The following PPP6C variants were observed in gnomAD, a reference collection of about 807,000 sequenced individuals.
PPP6C encodes the protein serine/threonine-protein phosphatase 6 catalytic subunit.
In PPP6C, 11 loss-of-function variants were observed where a neutral mutation model predicts 39.8. The ratio of observed to expected loss-of-function variants is 0.28; its 90% CI spans 0.17 to 0.46. The LOEUF is 0.46. Among genes scored for constraint, PPP6C ranks in the 20% least tolerant of loss-of-function variants. The pLI, the probability that PPP6C is intolerant of heterozygous loss-of-function variation, is 1.00. For missense variants in PPP6C, 211 were observed against 373.9 expected (o/e 0.56, Z 3.59); for synonymous variants, 129 against 130.3 (o/e 0.99, Z 0.07).
intron 4 of PPP6C, among the ~76,000 whole-genome samples, chr9:125,156,464 G>A (rs1259127811): frequency 6.6e-6 from 1 of 152,056 alleles, no homozygotes; most frequent in Non-Finnish European, 1.5e-5. Flanking sequence ...AGTAGAGACG[G>A]GGTTTCACCA....
At chr9:125,173,179 G>C (rs1190410847) in intron 1 of PPP6C, among the ~76,000 whole-genome samples, 1 of 151,988 alleles carries the variant, frequency 6.6e-6, no homozygotes, top group Admixed American at 6.6e-5. Flanking sequence ...TTGGGAGGCT[G>C]AGGTGGGTGG....
chr9:125,172,486 C>T (rs896101285), intron 1 of PPP6C, among the ~76,000 whole-genome samples: 2 of 152,124 alleles, frequency 1.3e-5, no homozygotes, highest in African/African-American at 4.8e-5. Flanking sequence ...GGATTACAGG[C>T]ATTGAGCCAC....
intron 6 of PPP6C, chr9:125,150,592 AGT>A: frequency 1.3e-6 from 1 of 784,596 alleles, no homozygotes; most frequent in Non-Finnish European, 2.0e-6. Flanking sequence ...CTTTGGTTGC[AGT>A]CTCTGCAGCA....
intron 1 of PPP6C, among the ~76,000 whole-genome samples, chr9:125,177,775 T>G (rs55707035): frequency 0.14 from 21,770 of 152,154 alleles, 1,663 homozygotes; most frequent in East Asian, 0.23. Context: ...TACCTACCAT[T>G]ATAGTATCAT....
intron 1 of PPP6C, among the ~76,000 whole-genome samples, chr9:125,171,474 C>CATAT (rs1217320883): frequency 1.2e-3 from 38 of 30,812 alleles, no homozygotes; most frequent in African/African-American, 3.2e-3. Context: ...CACACACACA[C>CATAT]ACACATATAT....
intron 2 of PPP6C, among the ~76,000 whole-genome samples, chr9:125,166,922 TGG>T (rs1255904327): frequency 6.6e-6 from 1 of 150,862 alleles, no homozygotes; most frequent in Non-Finnish European, 1.5e-5. Flanking sequence ...TCTTTTTAGA[TGG>T]GGTCTCACTC....
At chr9:125,162,597 C>G (rs1443850081) in intron 2 of PPP6C, among the ~76,000 whole-genome samples, 1 of 150,822 alleles carries the variant, frequency 6.6e-6, no homozygotes, top group African/African-American at 2.4e-5. Context: ...CATGGTGAAA[C>G]CCTGTCTCTA....
chr9:125,150,113 T>C (rs1041772884), intron 6 of PPP6C, among the ~76,000 whole-genome samples, 192 bp from the exon 7 acceptor site: 3 of 152,186 alleles, frequency 2.0e-5, no homozygotes, highest in African/African-American at 4.8e-5. Flanking sequence ...TGCACAACTA[T>C]GGAAACTGTA....
Position 125,147,210 on chromosome 9 carries a change from C to A in PPP6C, c.*2463G>T, listed in dbSNP as rs1199021245. The A allele has an allele frequency of 6.6e-6, 1 of 152,130 alleles. No individual in the cohort carries two copies. Among genetic ancestry groups the A allele is most frequent in the Non-Finnish European group, 1.5e-5 (1 of 68,020 alleles). 9.4% of individuals were successfully genotyped at this position (152,130 alleles called of 1,614,324 possible). On this transcript the variant is annotated 3_prime_UTR_variant, in exon 7 of 7. Transcript: ENST00000373547. Reference sequence around the variant, plus strand: ...CCAAAGGAGGAAAGGGAGTAAATGGCAATTCAAAGTAGACAGTTCTCACTA... The same window carrying A: ...CCAAAGGAGGAAAGGGAGTAAATGGAAATTCAAAGTAGACAGTTCTCACTA...
intron 1 of PPP6C, among the ~76,000 whole-genome samples, chr9:125,174,060 T>C (rs771286846): frequency 6.6e-6 from 1 of 152,218 alleles, no homozygotes; most frequent in African/African-American, 2.4e-5. Context: ...ATCCCTGCTA[T>C]ATACAGGGAA....
chr9:125,186,938 CTTTTTTT>C (rs1168730026), intron 1 of PPP6C, among the ~76,000 whole-genome samples: 5 of 83,672 alleles, frequency 6.0e-5, no homozygotes, highest in South Asian at 4.5e-4. Context: ...ATTTTTCTTT[CTTTTTTT>C]TTTTTTTTTT....
chr9:125,166,408 T>C (rs1285221692), intron 2 of PPP6C, among the ~76,000 whole-genome samples: 1 of 152,160 alleles, frequency 6.6e-6, no homozygotes, highest in Non-Finnish European at 1.5e-5. Flanking sequence ...TTTGCAAATA[T>C]AGTTGCCAAA....
Position 125,180,612 on chromosome 9 carries a change from G to C in PPP6C, c.75+9032C>G, listed in dbSNP as rs1246807701. On this transcript the variant is annotated intron_variant, in intron 1 of 6. Coordinates refer to ENST00000373547, the MANE Select transcript of PPP6C (RefSeq NM_002721.5). ...ATTTTTGTATTTTTAGTAGAGACAG[G>C]GTTTCGCCATGTTGGCCAGGCTGGT... Among the ~76,000 whole-genome samples the C allele has an allele frequency of 3.3e-5, 5 of 152,252 alleles. No homozygotes were observed. The East Asian group carries it at 7.7e-4, about 23-fold the overall frequency.
At chr9:125,161,835 A>G (rs905810246) in intron 2 of PPP6C, among the ~76,000 whole-genome samples, 4 of 152,212 alleles carry the variant, frequency 2.6e-5, no homozygotes, top group Admixed American at 2.0e-4. Context: ...CTAATTTCCA[A>G]AGAAAGCATT....
At chr9:125,150,570 T>C (rs1174146505) in intron 6 of PPP6C, 1 of 636,268 alleles carries the variant, frequency 1.6e-6, no homozygotes, top group Admixed American at 2.0e-5. Context: ...TAGTATTGAG[T>C]CTCTGGGCCG....
intron 1 of PPP6C, chr9:125,172,101 C>T: frequency 5.6e-6 from 2 of 359,748 alleles, no homozygotes; most frequent in South Asian, 2.2e-5. Flanking sequence ...GAAACGAATA[C>T]TGCCACACAA....
chr9:125,164,531 C>G (rs1331598410), intron 2 of PPP6C, among the ~76,000 whole-genome samples: 1 of 151,612 alleles, frequency 6.6e-6, no homozygotes, highest in East Asian at 2.0e-4. Context: ...CCCAGCTACT[C>G]TGTTTTTCAT....
chr9:125,170,440 T>C (rs2131326474), intron 2 of PPP6C, among the ~76,000 whole-genome samples: 1 of 152,198 alleles, frequency 6.6e-6, no homozygotes, highest in South Asian at 2.1e-4. Flanking sequence ...GGTTTCACCA[T>C]GTTGGTCAGG....
At chr9:125,178,462 T>G (rs1829350960) in intron 1 of PPP6C, among the ~76,000 whole-genome samples, 1 of 152,212 alleles carries the variant, frequency 6.6e-6, no homozygotes, top group African/African-American at 2.4e-5. Context: ...TTTGATGAGG[T>G]GTCTTTTGTC....
Sources: gnomAD v4.1 joint callset for allele counts (sites outside exome capture counted in the v4.1 genomes callset) on GRCh38, gnomAD v4.1.1 for gene constraint, MANE v1.5 for transcripts, NCBI Gene and HGNC (gene_info 2026-07-23, HGNC 2026-07-21) for gene names.